Variants in MKLN1 observed in about 807,000 individuals in gnomAD.
The protein encoded by MKLN1 is muskelin 1.
Under a neutral mutation model 99.0 loss-of-function variants are expected in MKLN1, and 18 were observed. The ratio of observed to expected loss-of-function variants is 0.18; its 90% CI spans 0.13 to 0.27. MKLN1 has a LOEUF of 0.27. Ranked by LOEUF, MKLN1 falls within the 10% of genes least tolerant of loss-of-function variation. The pLI is 1.00. For missense variants in MKLN1, 621 were observed against 875.9 expected, an observed-to-expected ratio of 0.71 and a Z score of 3.67; for synonymous variants, 288 against 293.2, an observed-to-expected ratio of 0.98 and a Z score of 0.18.
At position 131,463,433 on chromosome 7, in the gene MKLN1, AAGAG is replaced by A. The variant is rs960924338; in HGVS notation, c.1673+73_1673+76del. On this transcript the variant is annotated intron_variant, in intron 13 of 17. Coordinates refer to ENST00000352689, the MANE Select transcript of MKLN1 (RefSeq NM_013255.5). ...TTTGAGGTTGTTGGTTTATTCAAAA[AAGAG>A]AGAAATGAGAGTATTACGTTAATTT... 152 of 1,476,868 alleles carry A rather than the reference AAGAG, an allele frequency of 1.0e-4. No individual in the cohort carries two copies. In the East Asian group the frequency reaches 3.4e-3, roughly 33 times the overall value. The allele number at this position is 1,476,868 out of a possible 1,614,324, so 91.5% of individuals were successfully genotyped here.
intron 3 of MKLN1, among the ~76,000 whole-genome samples, chr7:131,235,603 G>A (rs1409559287): frequency 1.3e-5 from 2 of 152,158 alleles, no homozygotes; most frequent in East Asian, 1.9e-4. Context: ...GAAAGGAAAA[G>A]GAAATTCTCC....
chr7:131,213,636 G>A (rs1412031360), intron 3 of MKLN1, among the ~76,000 whole-genome samples: 1 of 152,160 alleles, frequency 6.6e-6, no homozygotes, highest in African/African-American at 2.4e-5. Flanking sequence ...GGTTGAAAAC[G>A]ATGAGTCTAG....
intron 3 of MKLN1, among the ~76,000 whole-genome samples, chr7:131,210,072 A>G (rs1015976915): frequency 1.8e-4 from 28 of 152,240 alleles, no homozygotes; most frequent in Non-Finnish European, 3.5e-4. Context: ...GTTGTTTGAT[A>G]TAAGAAGGTT....
intron 8 of MKLN1, among the ~76,000 whole-genome samples, chr7:131,425,262 C>A (rs1331656486): frequency 6.6e-6 from 1 of 151,688 alleles, no homozygotes; most frequent in East Asian, 1.9e-4. Flanking sequence ...TATACTTTTG[C>A]TATTCTTTTT....
At chr7:131,287,941 C>G (rs767505853) in intron 3 of MKLN1, among the ~76,000 whole-genome samples, 1 of 152,106 alleles carries the variant, frequency 6.6e-6, no homozygotes, top group Admixed American at 6.6e-5. Flanking sequence ...CCTTGTTTCC[C>G]CTTTGCCTTC....
At chr7:131,153,295 ATGTGCTTC>A (rs1795916216) in intron 2 of MKLN1, among the ~76,000 whole-genome samples, 1 of 152,038 alleles carries the variant, frequency 6.6e-6, no homozygotes, top group Non-Finnish European at 1.5e-5. Flanking sequence ...AATGTATTTA[ATGTGCTTC>A]TGTACATATT....
intron 3 of MKLN1, among the ~76,000 whole-genome samples, chr7:131,231,447 G>T (rs765725478): frequency 6.6e-6 from 1 of 152,090 alleles, no homozygotes; most frequent in African/African-American, 2.4e-5. Context: ...GTGACGTAAG[G>T]GCTTCCTTGG....
At chr7:131,479,511 CAGAG>C (rs1464757877) in intron 17 of MKLN1, among the ~76,000 whole-genome samples, 1 of 152,022 alleles carries the variant, frequency 6.6e-6, no homozygotes, top group African/African-American at 2.4e-5. Flanking sequence ...GCCTGGGTGA[CAGAG>C]AGAAAGACTG....
intron 1 of MKLN1, among the ~76,000 whole-genome samples, chr7:131,113,926 C>T (rs1271275370): frequency 6.6e-6 from 1 of 152,220 alleles, no homozygotes; most frequent in Non-Finnish European, 1.5e-5. Context: ...AACTCCCTCA[C>T]TATCGTGAGA....
intron 3 of MKLN1, among the ~76,000 whole-genome samples, chr7:131,266,771 T>C (rs928787549): frequency 2.6e-5 from 4 of 151,842 alleles, no homozygotes; most frequent in African/African-American, 9.7e-5. Flanking sequence ...TAAGCTTGCC[T>C]ATTCCTCTGC....
At chr7:131,242,901 C>A in intron 3 of MKLN1, 1 of 667,874 alleles carries the variant, frequency 1.5e-6, no homozygotes, top group Admixed American at 1.8e-5. Flanking sequence ...CTTCAGAGAC[C>A]CTACTCTTAA....
At chr7:131,161,017 T>C (rs1796040537) in intron 2 of MKLN1, among the ~76,000 whole-genome samples, 1 of 152,160 alleles carries the variant, frequency 6.6e-6, no homozygotes, top group Admixed American at 6.6e-5. Context: ...TGACACTCCA[T>C]GTGTGTATTT....
chr7:131,431,221 C>CA (rs11423575), intron 9 of MKLN1, among the ~76,000 whole-genome samples: 1,484 of 137,062 alleles, frequency 0.011, 23 homozygotes, highest in African/African-American at 0.025. Flanking sequence ...GACTCTGTCT[C>CA]AAAAAAAAAC....
At chr7:131,121,337 G>A (rs1314178048) in intron 1 of MKLN1, among the ~76,000 whole-genome samples, 1 of 152,076 alleles carries the variant, frequency 6.6e-6, no homozygotes, top group Non-Finnish European at 1.5e-5. Context: ...AACCATGTCA[G>A]CTTCCCCAGA....
At chr7:131,401,572 GCTT>G (rs1233415984) in intron 6 of MKLN1, among the ~76,000 whole-genome samples, 1 of 152,110 alleles carries the variant, frequency 6.6e-6, no homozygotes, top group African/African-American at 2.4e-5. Flanking sequence ...GTCTTTCCCT[GCTT>G]CTTTCTTTTT....
chr7:131,217,512 A>G (rs1483714408), intron 3 of MKLN1, among the ~76,000 whole-genome samples: 1 of 152,146 alleles, frequency 6.6e-6, no homozygotes, highest in African/African-American at 2.4e-5. Context: ...AGCCTGGCCA[A>G]CATGGTGAAA....
intron 1 of MKLN1, among the ~76,000 whole-genome samples, chr7:131,369,964 G>A (rs1364904703): frequency 6.6e-6 from 1 of 152,094 alleles, no homozygotes; most frequent in African/African-American, 2.4e-5. Flanking sequence ...AGCCTCCCAG[G>A]TAGCTGGGAT....
chr7:131,316,913 G>T (rs138739703), intron 3 of MKLN1, among the ~76,000 whole-genome samples: 1,944 of 152,220 alleles, frequency 0.013, 50 homozygotes, highest in African/African-American at 0.044. Flanking sequence ...AGAGAAAAAA[G>T]AATGAAAAGG....
At chr7:131,418,369 C>CAAAA (rs943898750) in intron 8 of MKLN1, among the ~76,000 whole-genome samples, 25 of 54,602 alleles carry the variant, frequency 4.6e-4, no homozygotes, top group Middle Eastern at 8.3e-3. Context: ...GACTTCGTCT[C>CAAAA]AAAAAAAAAA....
Sources: allele counts gnomAD v4.1 joint callset (sites outside exome capture counted in the v4.1 genomes callset), GRCh38; gene constraint gnomAD v4.1.1; transcripts MANE v1.5; gene names NCBI Gene and HGNC (gene_info 2026-07-23, HGNC 2026-07-21).